The following OIT3 variants were observed in gnomAD, a reference collection of about 807,000 sequenced individuals.
OIT3 encodes the protein oncoprotein-induced transcript 3 protein.
In OIT3, 41 loss-of-function variants were observed where a neutral mutation model predicts 52.2. That is an observed-to-expected ratio of 0.79 (90% CI 0.61 to 1.02). The LOEUF is 1.02. Among genes scored for constraint, OIT3 ranks in the 50% least tolerant of loss-of-function variants. The pLI is 0.00. For synonymous variants in OIT3, 244 were observed against 276.9 expected (o/e 0.88, Z 1.18); for missense variants, 634 against 715.5 (o/e 0.89, Z 1.30).
At chr10:72,927,097 T>C (rs1846176351) in intron 7 of OIT3, among the ~76,000 whole-genome samples, 2 of 152,180 alleles carry the variant, frequency 1.3e-5, no homozygotes, top group Admixed American at 1.3e-4. Flanking sequence ...TATTTATATA[T>C]GCATTATTCA....
intron 6 of OIT3, among the ~76,000 whole-genome samples, chr10:72,923,614 G>A (rs1846140194): frequency 6.6e-6 from 1 of 151,794 alleles, no homozygotes; most frequent in African/African-American, 2.4e-5. Flanking sequence ...CCTTCCTCTG[G>A]GAGCTCCATC....
intron 1 of OIT3, among the ~76,000 whole-genome samples, chr10:72,895,070 G>A (rs1326486646): frequency 6.6e-6 from 1 of 152,126 alleles, no homozygotes; most frequent in African/African-American, 2.4e-5. Flanking sequence ...AAGGTACCAT[G>A]CCAATGTGTG....
At chr10:72,899,754 TA>T (rs1845915106) in intron 2 of OIT3, among the ~76,000 whole-genome samples, 1 of 143,276 alleles carries the variant, frequency 7.0e-6, no homozygotes, top group African/African-American at 2.9e-5. Flanking sequence ...GATAGATAGA[TA>T]GATGATAGAT....
chr10:72,899,655 G>A (rs1425243878), intron 2 of OIT3, among the ~76,000 whole-genome samples: 1 of 151,302 alleles, frequency 6.6e-6, no homozygotes, highest in Non-Finnish European at 1.5e-5. Context: ...TCTAAATGGT[G>A]GATTTCCAAC....
In OIT3 at chr10:72,898,851, C is replaced by G. The variant is rs764527932; in HGVS notation, c.249C>G (p.His83Gln). ...FCIPENHCGT[H>Q]APVWLNGSHP... Reference sequence around the variant, plus strand: ...TACCAGAAAACCACTGTGGAACCCACGCACCTGTCTGGCTCAATGGCAGCC... The same window carrying G: ...TACCAGAAAACCACTGTGGAACCCAGGCACCTGTCTGGCTCAATGGCAGCC... The change falls in exon 2 of 9, where the codon CAC (histidine) becomes CAG (glutamine). Residue 83 changes from histidine (H) to glutamine (Q), a missense_variant. Transcript: ENST00000334011. 1.2e-6 allele frequency: 2 copies of G among 1,614,040 alleles called. No homozygotes were observed. Among genetic ancestry groups the G allele is most frequent in the Admixed American group, 1.7e-5 (1 of 60,002 alleles).
chr10:72,906,115 T>C (rs1845976760), intron 3 of OIT3, among the ~76,000 whole-genome samples: 1 of 152,202 alleles, frequency 6.6e-6, no homozygotes, highest in Non-Finnish European at 1.5e-5. Flanking sequence ...AATATACTAA[T>C]TTAAAAAACA....
chr10:72,911,447 T>C (rs1219848589), intron 4 of OIT3, among the ~76,000 whole-genome samples: 1 of 152,146 alleles, frequency 6.6e-6, no homozygotes, highest in Non-Finnish European at 1.5e-5. Context: ...AGGCTAACCA[T>C]GAGAAAAACA....
chr10:72,912,567 G>A (rs1000803524), intron 5 of OIT3, among the ~76,000 whole-genome samples: 4 of 151,896 alleles, frequency 2.6e-5, no homozygotes, highest in African/African-American at 9.7e-5. Flanking sequence ...CATCGCACCT[G>A]GCCTGGAAAT....
chr10:72,907,496 T>G (rs1671896509), intron 4 of OIT3, among the ~76,000 whole-genome samples: 1 of 152,210 alleles, frequency 6.6e-6, no homozygotes, highest in Non-Finnish European at 1.5e-5. Context: ...CCGACAGCTG[T>G]GTTTCCCAAA....
intron 6 of OIT3, among the ~76,000 whole-genome samples, chr10:72,919,702 T>C (rs2132943439): frequency 6.6e-6 from 1 of 152,332 alleles, no homozygotes; most frequent in South Asian, 2.1e-4. Flanking sequence ...TCTGTTGAGA[T>C]AATCATATGG....
intron 3 of OIT3, among the ~76,000 whole-genome samples, chr10:72,904,693 C>G (rs544040232): frequency 3.3e-5 from 5 of 152,070 alleles, no homozygotes; most frequent in Admixed American, 2.6e-4. Context: ...TCTGTTATCT[C>G]CAGTTCAAAG....
intron 6 of OIT3, among the ~76,000 whole-genome samples, chr10:72,920,353 C>G (rs576704110): frequency 1.1e-4 from 17 of 152,050 alleles, no homozygotes; most frequent in Non-Finnish European, 2.2e-4. Flanking sequence ...AGTGGCCTAT[C>G]TATTTTATTA....
chr10:72,904,691 C>G (rs1255150525), intron 3 of OIT3, among the ~76,000 whole-genome samples: 1 of 152,076 alleles, frequency 6.6e-6, no homozygotes, highest in Non-Finnish European at 1.5e-5. Context: ...ATTCTGTTAT[C>G]TCCAGTTCAA....
At position 72,911,832 on chromosome 10, in the gene OIT3, T is replaced by C; in HGVS notation, c.783T>C (p.Thr261=). The change falls in exon 5 of 9, where the codon ACT becomes ACC. Residue 261 remains threonine, a synonymous_variant. Coordinates refer to ENST00000334011, the MANE Select transcript of OIT3 (RefSeq NM_152635.3). ...TGGTGCTGTCTGAGGATAACCACAC[T>C]TGCCAAGGTAGTACATGGGGCAGGG... The part of the protein sequence containing the change: ...RGLVLSEDNH[T]CQVPVLCKSN... 1 of 1,613,236 alleles carries C rather than the reference T, an allele frequency of 6.2e-7. No individual in the cohort carries two copies. Among genetic ancestry groups the C allele is most frequent in the Non-Finnish European group, 8.5e-7 (1 of 1,179,576 alleles).
chr10:72,922,978 T>C (rs113124316), intron 6 of OIT3, among the ~76,000 whole-genome samples: 6,007 of 152,188 alleles, frequency 0.039, 398 homozygotes, highest in African/African-American at 0.14. Context: ...TGCATTCAAG[T>C]GATTCTCCTG....
intron 3 of OIT3, among the ~76,000 whole-genome samples, chr10:72,901,880 A>T (rs1845937822): frequency 6.6e-6 from 1 of 152,118 alleles, no homozygotes; most frequent in Non-Finnish European, 1.5e-5. Flanking sequence ...CATCTCTATA[A>T]AATAAAAATA....
chr10:72,924,448 CTG>C lies in OIT3; in HGVS notation c.1172_1173del (p.Leu391ArgfsTer7). 6.2e-7 allele frequency: 1 copy of C among 1,614,138 alleles called. No individual in the cohort carries two copies. The highest frequency in any genetic ancestry group is 1.1e-5 in the South Asian group (1 of 91,084). ...SRNHGIFPFT[L>X]EIFKDNEFEE... ...AAATCATGGGATCTTCCCATTCACTCTGGAGATCTTCAAGGACAATGAGTTTG... is the reference window on the plus strand; with the variant it reads ...AAATCATGGGATCTTCCCATTCACTCGAGATCTTCAAGGACAATGAGTTTG... On this transcript the variant is annotated frameshift_variant, in exon 7 of 9. Coordinates refer to ENST00000334011, the MANE Select transcript of OIT3 (RefSeq NM_152635.3). LOFTEE classifies it high-confidence loss of function.
chr10:72,920,900 G>A (rs1190779502), intron 6 of OIT3, among the ~76,000 whole-genome samples: 6 of 152,320 alleles, frequency 3.9e-5, no homozygotes, highest in Non-Finnish European at 7.4e-5. Flanking sequence ...TGTATATTCT[G>A]TTGTTTTGGG....
chr10:72,898,826 T>C lies in OIT3; in HGVS notation c.224T>C (p.Ile75Thr). ...GGAGATGCCATGCCTACCTTCTGCATACCAGAAAACCACTGTGGAACCCAC... is the reference window on the plus strand; with the variant it reads ...GGAGATGCCATGCCTACCTTCTGCACACCAGAAAACCACTGTGGAACCCAC... ...MAGDAMPTFC[I>T]PENHCGTHAP... The change falls in exon 2 of 9, where the codon ATA becomes ACA. Residue 75 changes from isoleucine (I) to threonine (T), a missense_variant. Coordinates refer to ENST00000334011, the MANE Select transcript of OIT3 (RefSeq NM_152635.3). 6.2e-7 allele frequency: 1 copy of C among 1,614,142 alleles called. No homozygotes were observed. The highest frequency in any genetic ancestry group is 8.5e-7 in the Non-Finnish European group (1 of 1,179,992).
Sources: allele counts gnomAD v4.1 joint callset (sites outside exome capture counted in the v4.1 genomes callset), GRCh38; gene constraint gnomAD v4.1.1; transcripts MANE v1.5; gene names NCBI Gene and HGNC (gene_info 2026-07-23, HGNC 2026-07-21).